The following INTS2 variants were observed in gnomAD, a reference collection of about 807,000 sequenced individuals.
INTS2 encodes KIAA1287.
INTS2 carries 57 observed loss-of-function variants against 139.6 expected under a neutral mutation model. The ratio of observed to expected loss-of-function variants is 0.41; its 90% CI spans 0.33 to 0.51. INTS2 has a LOEUF of 0.51. Among genes scored for constraint, INTS2 ranks in the 20% least tolerant of loss-of-function variants. The pLI is 0.28. For missense variants in INTS2, 1,196 were observed against 1,436.7 expected, an observed-to-expected ratio of 0.83 and a Z score of 2.71; for synonymous variants, 473 against 493.4, an observed-to-expected ratio of 0.96 and a Z score of 0.55.
chr17:61,890,785 C>T (rs1332092948), intron 14 of INTS2, among the ~76,000 whole-genome samples: 1 of 150,862 alleles, frequency 6.6e-6, no homozygotes, highest in Non-Finnish European at 1.5e-5. Context: ...AATTACTGGC[C>T]AGGCGCAGTG....
intron 17 of INTS2, 144 bp from the exon 18 acceptor site, chr17:61,878,232 C>T: frequency 1.6e-6 from 1 of 610,240 alleles, no homozygotes; most frequent in Non-Finnish European, 2.9e-6. Flanking sequence ...CTATTGTTTC[C>T]TACAGAAACC....
chr17:61,926,483 T>C lies in INTS2; in HGVS notation c.162A>G (p.Gln54=). The C allele has an allele frequency of 6.2e-7, 1 of 1,614,000 alleles. No individual in the cohort carries two copies. The highest frequency in any genetic ancestry group is 1.3e-5 in the African/African-American group (1 of 75,052). Residue 54 remains glutamine (Q), a synonymous_variant, in exon 2 of 25, where the codon CAA becomes CAG. Transcript: ENST00000251334. ...TGAGTTTCTTATCCTGAGCCCAGCT[T>C]TGGCTCTGGTCAGCAGGTGCACAAA... ...MALCAPADQS[Q]SWAQDKKLIL...
intron 9 of INTS2, among the ~76,000 whole-genome samples, chr17:61,901,332 T>C (rs2079402539): frequency 6.6e-6 from 1 of 151,038 alleles, no homozygotes; most frequent in South Asian, 2.1e-4. Context: ...GAAAAGCTTC[T>C]AACTTTAAAA....
intron 11 of INTS2, among the ~76,000 whole-genome samples, chr17:61,896,479 T>C (rs928367294): frequency 2.6e-5 from 4 of 152,072 alleles, no homozygotes; most frequent in African/African-American, 9.7e-5. Flanking sequence ...AACTGTAAAA[T>C]GAATCCCAAT....
intron 15 of INTS2, among the ~76,000 whole-genome samples, chr17:61,886,837 G>A (rs891976134): frequency 6.6e-6 from 1 of 152,098 alleles, no homozygotes; most frequent in East Asian, 1.9e-4. Context: ...TTTTATTAAG[G>A]ACAAGAAGTA....
intron 8 of INTS2, among the ~76,000 whole-genome samples, chr17:61,906,109 G>C (rs1249877234): frequency 2.6e-5 from 4 of 152,126 alleles, no homozygotes; most frequent in African/African-American, 9.7e-5. Flanking sequence ...GGAGAGAAAG[G>C]AAGCAATACA....
intron 5 of INTS2, among the ~76,000 whole-genome samples, chr17:61,917,846 T>C (rs1047137522): frequency 1.3e-5 from 2 of 151,904 alleles, no homozygotes; most frequent in African/African-American, 2.4e-5. Flanking sequence ...AATATGTAAA[T>C]AATGTTTAGA....
At position 61,926,606 on chromosome 17, in the gene INTS2, A is replaced by T; in HGVS notation, c.39T>A (p.Phe13Leu). ...CCACCTTCTGCATTGCCTCAAAAGCAAAAGGGCTGACAAACTGAAGACTTG... is the reference window on the plus strand; with the variant it reads ...CCACCTTCTGCATTGCCTCAAAAGCTAAAGGGCTGACAAACTGAAGACTTG... ...ECTSLQFVSP[F>L]AFEAMQKVDV... Residue 13 changes from phenylalanine (F) to leucine (L), a missense_variant, in exon 2 of 25, where the codon TTT becomes TTA. Coordinates refer to ENST00000251334, the MANE Select transcript of INTS2 (RefSeq NM_001351695.2). 1 of 1,611,884 alleles carries T rather than the reference A, an allele frequency of 6.2e-7. No homozygotes were observed. The highest frequency in any genetic ancestry group is 1.3e-5 in the African/African-American group (1 of 75,036).
In INTS2 at chr17:61,921,837, GAAAAA is replaced by G. The variant is rs374374751; in HGVS notation, c.433-15_433-11del. 5 of 1,232,884 alleles carry G rather than the reference GAAAAA, an allele frequency of 4.1e-6. No individual in the cohort carries two copies. The South Asian group carries it at 7.4e-5, about 18-fold the overall frequency. 76.4% of individuals were successfully genotyped at this position (1,232,884 alleles called of 1,614,324 possible). ...CGTTGGACTCAGACACCTTAAAAAA[GAAAAA>G]AAAAAGATATAAACTCTATTAATTT... On this transcript the variant is annotated splice_polypyrimidine_tract_variant and intron_variant, in intron 3 of 24. Coordinates refer to ENST00000251334, the MANE Select transcript of INTS2 (RefSeq NM_001351695.2).
In INTS2 at chr17:61,907,615, C is replaced by T; in HGVS notation, c.974G>A (p.Ser325Asn). The T allele has an allele frequency of 1.3e-6, 2 of 1,584,434 alleles. No individual in the cohort carries two copies. The highest frequency in any genetic ancestry group is 1.3e-5 in the African/African-American group (1 of 74,678). Residue 325 changes from serine to asparagine, a missense_variant, in exon 8 of 25, where the codon AGT becomes AAT. Physicochemically the swap from Ser to Asn is conservative, Grantham distance 46. Coordinates refer to ENST00000251334, the MANE Select transcript of INTS2 (RefSeq NM_001351695.2). ...NGQQRKRETSSSVLWQMRRQL... is the reference protein window; with the variant it reads ...NGQQRKRETSNSVLWQMRRQL... ...CCTTCTCATCTGCCAAAGGACAGAA[C>T]TGCTGGTCTCTCTTTTTCTCTGAAA...
At chr17:61,927,630 GCC>G (rs2079731412) in intron 1 of INTS2, 22 bp downstream of exon 1, 1 of 1,333,752 alleles carries the variant, frequency 7.5e-7, no homozygotes, top group African/African-American at 1.5e-5. Flanking sequence ...ACGCGCTGAG[GCC>G]AGAGAAGCGG....
chr17:61,879,186 CTGAGA>C (rs1479320943), intron 17 of INTS2, among the ~76,000 whole-genome samples: 1 of 144,826 alleles, frequency 6.9e-6, no homozygotes, highest in Non-Finnish European at 1.5e-5. Flanking sequence ...TTCCAAGGTG[CTGAGA>C]TAACAGGCGT....
intron 19 of INTS2, among the ~76,000 whole-genome samples, chr17:61,874,549 G>C (rs1276645569): frequency 1.3e-5 from 2 of 152,128 alleles, no homozygotes; most frequent in East Asian, 3.8e-4. Flanking sequence ...AAAGATCACA[G>C]TTTTAACGCA....
intron 8 of INTS2, among the ~76,000 whole-genome samples, chr17:61,906,504 T>C (rs540082909): frequency 6.6e-6 from 1 of 152,264 alleles, no homozygotes; most frequent in East Asian, 1.9e-4. Context: ...CCTGAGGAGC[T>C]CACAAACTCT....
rs571651126 is a variant in INTS2 at position 61,893,458 on chromosome 17, G to C, written c.1698+307C>G. On this transcript the variant is annotated intron_variant, in intron 13 of 24. Coordinates refer to ENST00000251334, the MANE Select transcript of INTS2 (RefSeq NM_001351695.2). The surrounding 1 kb of genome is among the most constrained non-coding windows in gnomAD (Gnocchi z 5.4). ...CGCCTGTAATCCCAGCACTTTGGTC[G>C]GTTGAGACAGGCATATCACTTGAGG... 6.6e-6 allele frequency among the ~76,000 whole-genome samples: 1 copy of C among 152,096 alleles called. No homozygotes were observed. Among genetic ancestry groups the C allele is most frequent in the African/African-American group, 2.4e-5 (1 of 41,412 alleles).
intron 17 of INTS2, among the ~76,000 whole-genome samples, chr17:61,878,931 C>CA (rs35652350): frequency 0.39 from 18,183 of 46,756 alleles, 3,126 homozygotes; most frequent in Middle Eastern, 0.47. Flanking sequence ...ACCCTGTCTC[C>CA]AAAAAAAAAA....
intron 15 of INTS2, among the ~76,000 whole-genome samples, chr17:61,887,482 C>CAAAAAAAAAAAAAAAAAA (rs1240524678): frequency 2.0e-5 from 1 of 50,564 alleles, no homozygotes; most frequent in Non-Finnish European, 4.2e-5. Flanking sequence ...GACTCTGTCT[C>CAAAAAAAAAAAAAAAAAA]AAAAAAAAAA....
chr17:61,877,530 T>C lies in INTS2; in HGVS notation c.2456+357A>G, dbSNP rs116900982. ...GCATGGGTTCCAACCTGGGGATCAG[T>C]AGTGGTAAAAACTCTCCAGGTGATT... is the stretch of plus-strand genomic sequence containing the variant. On this transcript the variant is annotated intron_variant, in intron 18 of 24. Transcript: ENST00000251334. 4.0e-3 allele frequency among the ~76,000 whole-genome samples: 609 copies of C among 152,276 alleles called. 4 individuals are homozygous for C. The highest frequency in any genetic ancestry group is 6.3e-3 in the Admixed American group (97 of 15,304).
intron 18 of INTS2, 90 bp downstream of exon 18, chr17:61,877,797 G>A (rs2079138534): frequency 9.5e-7 from 1 of 1,047,952 alleles, no homozygotes; most frequent in East Asian, 2.6e-5. Context: ...TATGAGTGGT[G>A]AAAAATTTTT....
Sources: gnomAD v4.1 joint callset for allele counts (sites outside exome capture counted in the v4.1 genomes callset) on GRCh38, gnomAD v4.1.1 for gene constraint, Gnocchi (gnomAD v3.1) non-coding constraint, MANE v1.5 for transcripts, NCBI Gene and HGNC (gene_info 2026-07-23, HGNC 2026-07-21) for gene names.